Variants in GREB1L observed in about 807,000 individuals in gnomAD.
GREB1L encodes the protein GREB1 like retinoic acid receptor coactivator.
In GREB1L, 17 loss-of-function variants were observed where a neutral mutation model predicts 200.8. The ratio of observed to expected loss-of-function variants is 0.08; its 90% CI spans 0.06 to 0.13. The LOEUF is 0.13. Ranked by LOEUF, GREB1L falls within the 10% of genes least tolerant of loss-of-function variation. The pLI is 1.00. For synonymous variants in GREB1L, 789 were observed against 893.0 expected, an observed-to-expected ratio of 0.88 and a Z score of 2.08; for missense variants, 1,657 against 2,367.7, an observed-to-expected ratio of 0.70 and a Z score of 6.23.
intron 1 of GREB1L, among the ~76,000 whole-genome samples, chr18:21,273,098 G>C (rs1434207021): frequency 2.0e-5 from 3 of 152,010 alleles, no homozygotes; most frequent in African/African-American, 2.4e-5. Flanking sequence ...GTGGTTGCGG[G>C]TGCCTGTAAT....
At chr18:21,391,275 A>G (rs1341196079) in intron 4 of GREB1L, among the ~76,000 whole-genome samples, 1 of 152,228 alleles carries the variant, frequency 6.6e-6, no homozygotes, top group Non-Finnish European at 1.5e-5. Context: ...ATGTTTAGAT[A>G]CACAAATACT....
At chr18:21,398,664 G>GA (rs1340048036) in intron 5 of GREB1L, among the ~76,000 whole-genome samples, 1 of 152,070 alleles carries the variant, frequency 6.6e-6, no homozygotes, top group Non-Finnish European at 1.5e-5. Flanking sequence ...AAATATAGTG[G>GA]AAAAATGTTT....
chr18:21,525,422 A>AAGTT lies in GREB1L; in HGVS notation c.*2603_*2606dup, dbSNP rs2146147620. On this transcript the variant is annotated 3_prime_UTR_variant, in exon 33 of 33. Coordinates refer to ENST00000424526, the MANE Select transcript of GREB1L (RefSeq NM_001142966.3). ...AAAGTTATCTCCCACCCCCTCCAAA[A>AAGTT]AGTTATTTTTTCTTTATAGTTTTCT... 6.6e-6 allele frequency: 1 copy of AAGTT among 152,118 alleles called. No individual in the cohort carries two copies. Among genetic ancestry groups the AAGTT allele is most frequent in the East Asian group, 1.9e-4 (1 of 5,184 alleles). The allele number at this position is 152,118 out of a possible 1,614,324, so 9.4% of individuals were successfully genotyped here.
In GREB1L at chr18:21,485,709, A is replaced by G. The variant is rs988224468; in HGVS notation, c.2646A>G (p.Arg882=). ...GGGGGATCACGAGCCCACTTCTGAG[A>G]TGTGACGAGACTTTTGAAAAAATGG... ...LQWGITSPLL[R]CDETFEKMVN... The change falls in exon 18 of 33, where the codon AGA becomes AGG. Residue 882 remains arginine (R), a synonymous_variant. Coordinates refer to ENST00000424526, the MANE Select transcript of GREB1L (RefSeq NM_001142966.3). 1.9e-6 allele frequency: 3 copies of G among 1,551,462 alleles called. No individual in the cohort carries two copies. The highest frequency in any genetic ancestry group is 1.7e-6 in the Non-Finnish European group (2 of 1,146,938).
At position 21,364,598 on chromosome 18, in the gene GREB1L, C is replaced by G. The variant is rs2039633841; in HGVS notation, c.-119-1429C>G. On this transcript the variant is annotated intron_variant, in intron 1 of 32. Transcript: ENST00000424526. ...TTAAGCTATACAAATGGTTGAGTAT[C>G]TTCCTTCTCTATGGATGTAAATAAT... is the stretch of plus-strand genomic sequence containing the variant. Among the ~76,000 whole-genome samples the G allele has an allele frequency of 2.0e-5, 3 of 152,162 alleles. No homozygotes were observed. The South Asian group carries it at 6.2e-4, about 32-fold the overall frequency.
intron 8 of GREB1L, 92 bp downstream of exon 8, chr18:21,439,729 C>CTA: frequency 2.4e-6 from 2 of 819,842 alleles, no homozygotes; most frequent in South Asian, 3.1e-5. Flanking sequence ...GCAACACACT[C>CTA]TAGAGTTTTT....
Position 21,444,415 on chromosome 18 carries a change from T to G in GREB1L, c.1393+6T>G. The G allele has an allele frequency of 6.5e-7, 1 of 1,547,398 alleles. No homozygotes were observed. Among genetic ancestry groups the G allele is most frequent in the South Asian group, 1.2e-5 (1 of 83,336 alleles). On this transcript the variant is annotated splice_donor_region_variant and intron_variant, in intron 11 of 32. Transcript: ENST00000424526. ...ACAGTATCTTGTGCGGCTGGGTAAG[T>G]CATTTTCCATAATCATTTGCTGGTG...
Position 21,471,283 on chromosome 18 carries a change from G to A in GREB1L, c.2183-1748G>A, listed in dbSNP as rs143018552. On this transcript the variant is annotated intron_variant, in intron 15 of 32. Transcript: ENST00000424526. ...ATCTTTTTAGGATGGCTTAACTCAC[G>A]CTGCTTATTTCCTAAGGATAGACAG... Among the ~76,000 whole-genome samples, 369 of 152,208 alleles carry A rather than the reference G, an allele frequency of 2.4e-3. 2 individuals are homozygous for A. Among genetic ancestry groups the A allele is most frequent in the African/African-American group, 8.6e-3 (358 of 41,528 alleles).
chr18:21,333,955 C>T (rs2039146698), intron 1 of GREB1L, among the ~76,000 whole-genome samples: 1 of 151,660 alleles, frequency 6.6e-6, no homozygotes, highest in South Asian at 2.1e-4. Context: ...GTACTCCAGC[C>T]TTGGTGACCG....
At chr18:21,476,746 A>ATT (rs59564255) in intron 16 of GREB1L, among the ~76,000 whole-genome samples, 1 of 144,860 alleles carries the variant, frequency 6.9e-6, no homozygotes, top group African/African-American at 2.5e-5. Flanking sequence ...TTTTTTTTGT[A>ATT]TTTTTTTTTT....
intron 31 of GREB1L, among the ~76,000 whole-genome samples, chr18:21,519,529 A>C (rs1275197011): frequency 1.3e-5 from 2 of 152,188 alleles, no homozygotes; most frequent in Admixed American, 1.3e-4. Flanking sequence ...AAGTACTGTA[A>C]AAGATGTATG....
chr18:21,278,388 AAAAATAAAT>A (rs1402106054), intron 1 of GREB1L, among the ~76,000 whole-genome samples: 24 of 138,440 alleles, frequency 1.7e-4, no homozygotes, highest in African/African-American at 7.2e-4. Flanking sequence ...CTCAAAAAAA[AAAAATAAAT>A]AAATAAATAA....
chr18:21,265,461 C>A (rs369706228), intron 1 of GREB1L, among the ~76,000 whole-genome samples: 2 of 151,984 alleles, frequency 1.3e-5, no homozygotes, highest in African/African-American at 4.8e-5. Context: ...AAAAAATGGA[C>A]GGTGATGGGC....
Position 21,485,760 on chromosome 18 carries a change from A to C in GREB1L, c.2690+7A>C, listed in dbSNP as rs751617015. ...TGAACACACTCTTGGAGAGGTAAATAGTAAATAAGGCCTTCTGCTCTTCTC... is the reference window on the plus strand; with the variant it reads ...TGAACACACTCTTGGAGAGGTAAATCGTAAATAAGGCCTTCTGCTCTTCTC... On this transcript the variant is annotated splice_region_variant and intron_variant, in intron 18 of 32. Coordinates refer to ENST00000424526, the MANE Select transcript of GREB1L (RefSeq NM_001142966.3). 1 of 1,551,162 alleles carries C rather than the reference A, an allele frequency of 6.4e-7. No individual in the cohort carries two copies. Among genetic ancestry groups the C allele is most frequent in the African/African-American group, 1.4e-5 (1 of 73,160 alleles).
At position 21,522,879 on chromosome 18, in the gene GREB1L, T is replaced by G. The variant is rs1472449106; in HGVS notation, c.*58T>G. The G allele has an allele frequency of 1.2e-5, 17 of 1,427,514 alleles. No individual in the cohort carries two copies. Among genetic ancestry groups the G allele is most frequent in the Non-Finnish European group, 1.6e-5 (17 of 1,069,998 alleles). The allele number at this position is 1,427,514 out of a possible 1,614,324, so 88.4% of individuals were successfully genotyped here. A position where few individuals can be genotyped will look rare whatever the true frequency, so the allele number is the denominator to read the frequency against. ...CCTAGGTGGGATGGGACAGAAACAA[T>G]TTGGGATTTTTCTTTTTCCTTTAAA... On this transcript the variant is annotated 3_prime_UTR_variant, in exon 33 of 33. Coordinates refer to ENST00000424526, the MANE Select transcript of GREB1L (RefSeq NM_001142966.3).
intron 15 of GREB1L, among the ~76,000 whole-genome samples, chr18:21,455,914 T>TC (rs956819125): frequency 1.4e-5 from 2 of 143,712 alleles, no homozygotes; most frequent in South Asian, 4.7e-4. Flanking sequence ...TTTTTTTTTT[T>TC]TTTTTGTGAG....
At chr18:21,327,612 CT>C (rs2144992448) in intron 1 of GREB1L, among the ~76,000 whole-genome samples, 1 of 149,808 alleles carries the variant, frequency 6.7e-6, no homozygotes, top group East Asian at 2.0e-4. Context: ...TCACACCATT[CT>C]TTTGAGTACA....
chr18:21,424,079 A>G (rs1303070392), intron 7 of GREB1L, among the ~76,000 whole-genome samples: 2 of 152,190 alleles, frequency 1.3e-5, no homozygotes, highest in Non-Finnish European at 2.9e-5. Context: ...GAGCTCATGC[A>G]GAACTGTCCA....
chr18:21,322,353 A>G (rs777999873), intron 1 of GREB1L, among the ~76,000 whole-genome samples: 1 of 152,208 alleles, frequency 6.6e-6, no homozygotes, highest in Non-Finnish European at 1.5e-5. Flanking sequence ...CAATACCTAG[A>G]GACATTTTTT....
Sources: allele counts gnomAD v4.1 joint callset (sites outside exome capture counted in the v4.1 genomes callset), GRCh38; gene constraint gnomAD v4.1.1; transcripts MANE v1.5; gene names NCBI Gene and HGNC (gene_info 2026-07-23, HGNC 2026-07-21).